The following ACSL3 variants were observed in gnomAD, a reference collection of about 807,000 sequenced individuals.
The protein encoded by ACSL3 is fatty acid CoA ligase Acsl3.
A neutral mutation model predicts 84.7 loss-of-function variants in ACSL3; 34 were observed. The ratio of observed to expected loss-of-function variants is 0.40; its 90% CI spans 0.31 to 0.53. ACSL3 has a LOEUF of 0.53. ACSL3 is among the 20% of genes least tolerant of loss of function. ACSL3 has a pLI of 0.48. For synonymous variants in ACSL3, 315 were observed against 299.4 expected, an observed-to-expected ratio of 1.05 and a Z score of -0.54; for missense variants, 680 against 873.1, an observed-to-expected ratio of 0.78 and a Z score of 2.79.
At position 222,942,097 on chromosome 2, in the gene ACSL3, T is replaced by A. The variant is rs1190328169; in HGVS notation, c.*443T>A. On this transcript the variant is annotated 3_prime_UTR_variant, in exon 17 of 17. Transcript: ENST00000357430. ...ATTTAAAAATACAAGGGTATTGATA[T>A]GAAATTATGTAAATTTCAAATGCTT... 4.7e-6 allele frequency: 1 copy of A among 211,082 alleles called. No homozygotes were observed. Among genetic ancestry groups the A allele is most frequent in the East Asian group, 7.2e-5 (1 of 13,894 alleles). The allele number at this position is 211,082 out of a possible 1,614,324, so 13.1% of individuals were successfully genotyped here.
At chr2:222,865,275 T>C (rs1219403287) in intron 1 of ACSL3, among the ~76,000 whole-genome samples, 2 of 152,196 alleles carry the variant, frequency 1.3e-5, no homozygotes, top group African/African-American at 4.8e-5. Context: ...TGTTTCCCAT[T>C]TTGAAGGGTA....
chr2:222,936,454 G>A (rs116279568), intron 16 of ACSL3, among the ~76,000 whole-genome samples: 1,956 of 152,152 alleles, frequency 0.013, 50 homozygotes, highest in African/African-American at 0.044. Flanking sequence ...TCTAACAGAT[G>A]TGAAGTGATA....
intron 1 of ACSL3, among the ~76,000 whole-genome samples, chr2:222,885,318 G>A (rs970343705): frequency 6.6e-6 from 1 of 152,072 alleles, no homozygotes. Flanking sequence ...CTCTTAACTG[G>A]CTGTACTTCC....
At chr2:222,863,292 T>C (rs74490259) in intron 1 of ACSL3, among the ~76,000 whole-genome samples, 2,798 of 152,326 alleles carry the variant, frequency 0.018, 39 homozygotes, top group Non-Finnish European at 0.025. Flanking sequence ...GTTTTTTGAA[T>C]TGATGTGGTG....
At position 222,918,035 on chromosome 2, in the gene ACSL3, T is replaced by C; in HGVS notation, c.557-11T>C. 1 of 1,584,080 alleles carries C rather than the reference T, an allele frequency of 6.3e-7. No homozygotes were observed. The highest frequency in any genetic ancestry group is 8.6e-7 in the Non-Finnish European group (1 of 1,157,032). On this transcript the variant is annotated splice_polypyrimidine_tract_variant and intron_variant, in intron 5 of 16. Transcript: ENST00000357430. The stretch of plus-strand genomic sequence containing the variant: ...TTTGAATATTTGACTGGCTGCTGCT[T>C]TTCCTTTTAGTTGTTACATTATATG...
chr2:222,911,476 CA>C (rs1696439042), intron 4 of ACSL3, among the ~76,000 whole-genome samples: 1 of 152,170 alleles, frequency 6.6e-6, no homozygotes, highest in Non-Finnish European at 1.5e-5. Flanking sequence ...CTTATAGATT[CA>C]TTTTTTTGTC....
At chr2:222,925,677 T>G (rs1197784075) in intron 11 of ACSL3, among the ~76,000 whole-genome samples, 1 of 152,248 alleles carries the variant, frequency 6.6e-6, no homozygotes, top group Non-Finnish European at 1.5e-5. Context: ...AAAGTGTGTT[T>G]TCACTTAAGA....
At chr2:222,925,525 G>A (rs1018797615) in intron 11 of ACSL3, among the ~76,000 whole-genome samples, 1 of 151,966 alleles carries the variant, frequency 6.6e-6, no homozygotes, top group Non-Finnish European at 1.5e-5. Context: ...CCCCCAGTGG[G>A]AGGATTATTT....
chr2:222,869,745 T>C (rs985034409), intron 1 of ACSL3, among the ~76,000 whole-genome samples: 4 of 152,060 alleles, frequency 2.6e-5, no homozygotes, highest in African/African-American at 9.7e-5. Flanking sequence ...CAGTGGGCAG[T>C]GGAGTTTGGA....
intron 11 of ACSL3, among the ~76,000 whole-genome samples, chr2:222,926,443 C>A (rs976839360): frequency 6.6e-6 from 1 of 151,928 alleles, no homozygotes; most frequent in African/African-American, 2.4e-5. Context: ...TTGATCAAGG[C>A]AGTATGCAAT....
At chr2:222,887,680 C>T (rs566141730) in intron 1 of ACSL3, 150 bp from the exon 2 acceptor site, 2 of 152,168 alleles carry the variant, frequency 1.3e-5, no homozygotes, top group South Asian at 2.1e-4. Context: ...TGTTTGCTAG[C>T]GTGATAGGTT....
At position 222,916,329 on chromosome 2, in the gene ACSL3, G is replaced by A. The variant is rs1696582628; in HGVS notation, c.389G>A (p.Gly130Glu). The change falls in exon 5 of 17, where the codon GGA becomes GAA. Residue 130 changes from glycine (G) to glutamate (E), a missense_variant. Gly to Glu is a moderately conservative substitution (Grantham distance 98). This residue lies in a region of ACSL3 where 333 missense variants were observed against 347.5 expected (regional missense o/e 0.96). Transcript: ENST00000357430. Reference sequence around the variant, plus strand: ...TTTTTGTTTTATCAGGTTATTCTTGGACAGTATAATTGGCTTTCCTATGAA... The same window carrying A: ...TTTTTGTTTTATCAGGTTATTCTTGAACAGTATAATTGGCTTTCCTATGAA... ...NGKIFKKVILGQYNWLSYEDV... is the reference protein window; with the variant it reads ...NGKIFKKVILEQYNWLSYEDV... 1.2e-6 allele frequency: 2 copies of A among 1,604,170 alleles called. No individual in the cohort carries two copies. The highest frequency in any genetic ancestry group is 2.7e-5 in the African/African-American group (2 of 74,358).
rs1246825312 is a variant in ACSL3, at chr2:222,916,197, T to TA, written c.379-117dup. On this transcript the variant is annotated intron_variant, in intron 4 of 16. Coordinates refer to ENST00000357430, the MANE Select transcript of ACSL3 (RefSeq NM_004457.5). ...TCAAACTCAGTTTCTGGCTTTTTAT[T>TA]AAAAAGATAATTCTATGCAAACGTA... 12 of 619,100 alleles carry TA rather than the reference T, an allele frequency of 1.9e-5. No individual in the cohort carries two copies. The East Asian group carries it at 2.3e-4, about 12-fold the overall frequency. 38.4% of individuals were successfully genotyped at this position (619,100 alleles called of 1,614,324 possible).
At chr2:222,867,688 C>T (rs1454796034) in intron 1 of ACSL3, among the ~76,000 whole-genome samples, 1 of 152,122 alleles carries the variant, frequency 6.6e-6, no homozygotes, top group African/African-American at 2.4e-5. Context: ...TTTATTTCCC[C>T]TTTGCTCTCT....
At chr2:222,861,688 C>T (rs1240399741) in intron 1 of ACSL3, 1 of 152,388 alleles carries the variant, frequency 6.6e-6, no homozygotes, top group African/African-American at 2.4e-5. Flanking sequence ...TTTCGGAAAA[C>T]CCTTGTTTGG....
intron 12 of ACSL3, among the ~76,000 whole-genome samples, chr2:222,928,258 G>A (rs1277644097): frequency 1.3e-5 from 2 of 152,168 alleles, no homozygotes; most frequent in Non-Finnish European, 2.9e-5. Flanking sequence ...ATTTTAAATA[G>A]GGTGTGATAG....
chr2:222,919,277 A>G (rs1230796575), intron 7 of ACSL3, 75 bp downstream of exon 7: 9 of 1,552,038 alleles, frequency 5.8e-6, no homozygotes, highest in Non-Finnish European at 7.9e-6. Context: ...CAAAGTTTTG[A>G]TTCTGAGGTT....
At chr2:222,874,757 A>T (rs528116484) in intron 1 of ACSL3, among the ~76,000 whole-genome samples, 1 of 152,264 alleles carries the variant, frequency 6.6e-6, no homozygotes, top group Admixed American at 6.5e-5. Context: ...AAAAGCAATA[A>T]TTTTGCTTAT....
At position 222,893,905 on chromosome 2, in the gene ACSL3, C is replaced by CACCACA. The variant is rs201580200; in HGVS notation, c.-148+6021_-148+6026dup. On this transcript the variant is annotated intron_variant, in intron 2 of 16. Transcript: ENST00000357430. ...GGAGTGCTTTGGTGTGATCACAGCACACCACAACCTCAACCTCTGGGCTGG... is the reference window on the plus strand; with the variant it reads ...GGAGTGCTTTGGTGTGATCACAGCACACCACAACCACAACCTCAACCTCTGGGCTGG... Among the ~76,000 whole-genome samples the CACCACA allele has an allele frequency of 4.8e-4, 73 of 152,176 alleles. 3 individuals are homozygous for CACCACA. The East Asian group carries it at 0.014, about 29-fold the overall frequency.
Sources: gnomAD v4.1 joint callset for allele counts (sites outside exome capture counted in the v4.1 genomes callset) on GRCh38, gnomAD v4.1.1 for gene constraint, gnomAD v4.1.1 regional missense constraint, MANE v1.5 for transcripts, NCBI Gene and HGNC (gene_info 2026-07-23, HGNC 2026-07-21) for gene names.